LRP1B: variants seen among roughly 807,000 people sequenced by gnomAD.
LRP1B encodes low-density lipoprotein receptor-related protein 1B.
LRP1B carries 217 observed loss-of-function variants against 556.6 expected under a neutral mutation model. That is an observed-to-expected ratio of 0.39 (90% CI 0.35 to 0.44). LRP1B has a LOEUF of 0.44. LRP1B is among the 20% of genes least tolerant of loss of function. The pLI is 1.00. For synonymous variants in LRP1B, 2,047 were observed against 1,865.8 expected (o/e 1.10, Z -2.50); for missense variants, 5,053 against 5,620.8 (o/e 0.90, Z 3.23).
chr2:141,861,929 C>CA (rs532228489), intron 1 of LRP1B, among the ~76,000 whole-genome samples: 3,074 of 141,304 alleles, frequency 0.022, 90 homozygotes, highest in South Asian at 0.065. Context: ...GACTCCATCT[C>CA]AAAAAAAAAA....
intron 41 of LRP1B, among the ~76,000 whole-genome samples, chr2:140,686,582 G>A (rs1255272946): frequency 6.6e-6 from 1 of 151,974 alleles, no homozygotes; most frequent in Non-Finnish European, 1.5e-5. Flanking sequence ...ATGAAAATAG[G>A]AGGGGTTCCA....
intron 1 of LRP1B, among the ~76,000 whole-genome samples, chr2:142,088,025 T>C (rs1032241283): frequency 1.3e-5 from 2 of 152,182 alleles, no homozygotes; most frequent in African/African-American, 4.8e-5. Context: ...CAATTATTTA[T>C]GTGTCAAAAG....
In LRP1B at chr2:141,978,931, CA is replaced by C. The variant is rs1416313650; in HGVS notation, c.82+151716del. ...AAAGAAAAAAATGAAGAGAATAAGACATTTTTTTTTCTGATAAGAAAACTGA... is the reference window on the plus strand; with the variant it reads ...AAAGAAAAAAATGAAGAGAATAAGACTTTTTTTTTCTGATAAGAAAACTGA... On this transcript the variant is annotated intron_variant, in intron 1 of 90. Transcript: ENST00000389484. Among the ~76,000 whole-genome samples the C allele has an allele frequency of 4.5e-3, 685 of 151,830 alleles. 2 individuals carry two copies. Among genetic ancestry groups the C allele is most frequent in the African/African-American group, 0.016 (653 of 41,470 alleles).
intron 2 of LRP1B, among the ~76,000 whole-genome samples, chr2:141,482,899 C>CA (rs1485282366): frequency 1.3e-5 from 2 of 151,954 alleles, no homozygotes; most frequent in Non-Finnish European, 2.9e-5. Flanking sequence ...AGTCAGAAAA[C>CA]AAAAAAATGA....
Position 140,742,245 on chromosome 2 carries a change from A to T in LRP1B, c.5759-25429T>A, listed in dbSNP as rs545540418. Reference sequence around the variant, plus strand: ...AGTACAGGCACAGGGTGGGTGAGAAAACTGAGTGTCGAAAGGGATTATTGA... The same window carrying T: ...AGTACAGGCACAGGGTGGGTGAGAATACTGAGTGTCGAAAGGGATTATTGA... On this transcript the variant is annotated intron_variant, in intron 35 of 90. Coordinates refer to ENST00000389484, the MANE Select transcript of LRP1B (RefSeq NM_018557.3). 2.2e-3 allele frequency among the ~76,000 whole-genome samples: 340 copies of T among 152,282 alleles called. 1 individual carries two copies. Among genetic ancestry groups the T allele is most frequent in the African/African-American group, 7.6e-3 (316 of 41,568 alleles).
At chr2:140,681,935 T>A (rs913711533) in intron 41 of LRP1B, among the ~76,000 whole-genome samples, 1 of 152,118 alleles carries the variant, frequency 6.6e-6, no homozygotes, top group Non-Finnish European at 1.5e-5. Flanking sequence ...GCCTAAGAAA[T>A]TTCATGAATG....
intron 7 of LRP1B, among the ~76,000 whole-genome samples, chr2:141,173,637 A>C (rs1055046402): frequency 6.6e-6 from 1 of 152,090 alleles, no homozygotes; most frequent in African/African-American, 2.4e-5. Context: ...CATGTCAATA[A>C]GGAAACAATT....
chr2:140,886,577 A>C (rs947981152), intron 23 of LRP1B, among the ~76,000 whole-genome samples: 10 of 151,914 alleles, frequency 6.6e-5, no homozygotes, highest in African/African-American at 2.4e-4. Flanking sequence ...TACTGATTAA[A>C]GAATAGAAGA....
intron 3 of LRP1B, among the ~76,000 whole-genome samples, chr2:141,284,765 C>A (rs1173785945): frequency 1.3e-5 from 2 of 152,140 alleles, no homozygotes; most frequent in African/African-American, 4.8e-5. Context: ...TGTCAAAAAT[C>A]AAAATGATTG....
At chr2:140,935,973 T>C (rs13413710) in intron 20 of LRP1B, among the ~76,000 whole-genome samples, 1 of 151,620 alleles carries the variant, frequency 6.6e-6, no homozygotes, top group Admixed American at 6.6e-5. Context: ...CCTATATATA[T>C]GCATATCAGC....
chr2:140,746,806 A>C (rs1049238383), intron 35 of LRP1B, among the ~76,000 whole-genome samples: 5 of 152,112 alleles, frequency 3.3e-5, no homozygotes, highest in African/African-American at 1.2e-4. Context: ...TAAAAGGAAA[A>C]TATTTTGGCC....
intron 7 of LRP1B, among the ~76,000 whole-genome samples, chr2:141,175,981 G>T (rs965017029): frequency 6.6e-6 from 1 of 152,098 alleles, no homozygotes; most frequent in African/African-American, 2.4e-5. Flanking sequence ...GCCCTGTGGG[G>T]TTTCTAACTC....
chr2:140,364,866 C>G (rs2105152470), intron 71 of LRP1B, 83 bp from the exon 72 acceptor site: 1 of 1,242,738 alleles, frequency 8.0e-7, no homozygotes, highest in Non-Finnish European at 1.1e-6. Context: ...TGAATCTTAG[C>G]AAACAGTATC....
At chr2:141,805,733 T>G (rs1285706605) in intron 2 of LRP1B, 3 of 152,126 alleles carry the variant, frequency 2.0e-5, no homozygotes, top group African/African-American at 4.8e-5. Context: ...TCTTCCTCCC[T>G]TTTAAAGGTT....
chr2:140,686,024 C>G (rs1488246765), intron 41 of LRP1B, among the ~76,000 whole-genome samples: 1 of 152,228 alleles, frequency 6.6e-6, no homozygotes, highest in Middle Eastern at 3.4e-3. Flanking sequence ...GGGATTTGAA[C>G]TAAATTTTAT....
chr2:141,424,007 A>C (rs1450272466), intron 3 of LRP1B, among the ~76,000 whole-genome samples: 1 of 152,176 alleles, frequency 6.6e-6, no homozygotes, highest in Non-Finnish European at 1.5e-5. Flanking sequence ...TGATTCAGTT[A>C]AAAGAGATGA....
intron 41 of LRP1B, among the ~76,000 whole-genome samples, chr2:140,642,255 A>T (rs1173086068): frequency 2.0e-5 from 3 of 152,140 alleles, no homozygotes; most frequent in African/African-American, 7.2e-5. Flanking sequence ...GGAGGGTTCC[A>T]CTTAGCCTGT....
In LRP1B at chr2:140,966,859, G is replaced by A. The variant is rs1696239320; in HGVS notation, c.2888-14919C>T. 3.3e-5 allele frequency among the ~76,000 whole-genome samples: 5 copies of A among 152,092 alleles called. 1 individual carries two copies. The South Asian group carries it at 1.0e-3, about 32-fold the overall frequency. The stretch of plus-strand genomic sequence containing the variant: ...TCAAAGATCAGATGGTTGTAGATGT[G>A]TGGTATTATTTCTGAGGGCTTTGTT... On this transcript the variant is annotated intron_variant, in intron 18 of 90. Transcript: ENST00000389484.
chr2:141,261,507 A>C (rs1388522912), intron 3 of LRP1B, among the ~76,000 whole-genome samples: 2 of 152,138 alleles, frequency 1.3e-5, no homozygotes, highest in Admixed American at 1.3e-4. Flanking sequence ...TTGCACCTCT[A>C]CAGTCAACCC....
Sources: gnomAD v4.1 joint callset for allele counts (sites outside exome capture counted in the v4.1 genomes callset) on GRCh38, gnomAD v4.1.1 for gene constraint, MANE v1.5 for transcripts, NCBI Gene and HGNC (gene_info 2026-07-23, HGNC 2026-07-21) for gene names.